ZNF703: variants seen among roughly 807,000 people sequenced by gnomAD.
ZNF703 encodes the protein zinc finger protein 703.
ZNF703 carries 18 observed loss-of-function variants against 30.7 expected under a neutral mutation model. That is an observed-to-expected ratio of 0.59 (90% CI 0.40 to 0.87). ZNF703 has a LOEUF of 0.87. Among genes scored for constraint, ZNF703 ranks in the 40% least tolerant of loss-of-function variants. The probability of loss-of-function intolerance (pLI) is 0.00; values close to 1 mark genes in which losing one functional copy is unlikely to be tolerated. For synonymous variants in ZNF703, 457 were observed against 438.6 expected, an observed-to-expected ratio of 1.04 and a Z score of -0.52; for missense variants, 814 against 847.8, an observed-to-expected ratio of 0.96 and a Z score of 0.50.
Position 37,699,986 on chromosome 8 carries a change from T to C in ZNF703, c.*1312T>C, listed in dbSNP as rs890242822. 3.3e-5 allele frequency: 5 copies of C among 152,368 alleles called. No homozygotes were observed. The highest frequency in any genetic ancestry group is 1.9e-4 in the East Asian group (1 of 5,174). The allele number at this position is 152,368 out of a possible 1,614,324, so 9.4% of individuals were successfully genotyped here. On this transcript the variant is annotated 3_prime_UTR_variant, in exon 2 of 2. Transcript: ENST00000331569. The stretch of plus-strand genomic sequence containing the variant: ...CAGAGCTCTCCCTTGGTAAGACTTA[T>C]TTTGTTAATAAATGGAATACTTGGC...
rs770772477 is a variant in ZNF703, at chr8:37,698,589, C to T, written c.1688C>T (p.Ser563Phe). ...LSTAGGLAVP[S>F]LPTAGPYYSP... ...ACAGCGGGGGGCCTGGCCGTGCCGT[C>T]CCTCCCCACAGCCGGACCCTACTAT... Residue 563 changes from serine (S) to phenylalanine (F), a missense_variant, in exon 2 of 2, where the codon TCC (serine) becomes TTC (phenylalanine). Coordinates refer to ENST00000331569, the MANE Select transcript of ZNF703 (RefSeq NM_025069.3). The T allele has an allele frequency of 1.9e-6, 3 of 1,564,312 alleles. No individual in the cohort carries two copies. In the Admixed American group the frequency reaches 5.7e-5, roughly 30 times the overall value.
In ZNF703 at chr8:37,696,388, GGGCTTCCCCA is replaced by G. The variant is rs1802069356; in HGVS notation, c.243+176_243+185del. 6.6e-6 allele frequency among the ~76,000 whole-genome samples: 1 copy of G among 152,010 alleles called. No homozygotes were observed. The highest frequency in any genetic ancestry group is 1.5e-5 in the Non-Finnish European group (1 of 67,982). Reference sequence around the variant, plus strand: ...AAAACCGAGGGATCAGAGCCCACCAGGGCTTCCCCAGGCTTCCCCGTGGAAGGGTCTCCTT... The same window carrying G: ...AAAACCGAGGGATCAGAGCCCACCAGGGCTTCCCCGTGGAAGGGTCTCCTT... On this transcript the variant is annotated intron_variant, in intron 1 of 1. Coordinates refer to ENST00000331569, the MANE Select transcript of ZNF703 (RefSeq NM_025069.3). The surrounding 1 kb of genome is among the most constrained non-coding windows in gnomAD (Gnocchi z 8.2).
At position 37,698,238 on chromosome 8, in the gene ZNF703, G is replaced by T; in HGVS notation, c.1337G>T (p.Gly446Val). The change falls in exon 2 of 2, where the codon GGC (glycine) becomes GTC (valine). Residue 446 changes from glycine to valine, a missense_variant. Physicochemically the swap from Gly to Val is moderately radical, Grantham distance 109 (BLOSUM62 -3). Transcript: ENST00000331569. ...ALPGHPLYTY[G>V]FMLQNEPLPH... is the part of the protein sequence containing the mutation. Reference sequence around the variant, plus strand: ...CCCGGCCACCCGCTCTACACCTACGGCTTCATGCTGCAGAACGAACCGCTG... The same window carrying T: ...CCCGGCCACCCGCTCTACACCTACGTCTTCATGCTGCAGAACGAACCGCTG... 1 of 1,538,394 alleles carries T rather than the reference G, an allele frequency of 6.5e-7. No homozygotes were observed.
rs1050609602 is a variant in ZNF703, at chr8:37,696,299, C to A, written c.243+77C>A. 1.6e-5 allele frequency: 23 copies of A among 1,475,944 alleles called. No individual in the cohort carries two copies. Among genetic ancestry groups the A allele is most frequent in the Non-Finnish European group, 1.7e-5 (19 of 1,112,376 alleles). 91.4% of individuals were successfully genotyped at this position (1,475,944 alleles called of 1,614,324 possible). ...ACCGGGACCCTGACCCAGCTCCCAGCGCCCCGGGGCTCGGTGCGACACCCA... is the reference window on the plus strand; with the variant it reads ...ACCGGGACCCTGACCCAGCTCCCAGAGCCCCGGGGCTCGGTGCGACACCCA... On this transcript the variant is annotated intron_variant, in intron 1 of 1. Transcript: ENST00000331569. This position sits in a 1 kb window ranked among gnomAD's most constrained non-coding sequence, Gnocchi z 8.2.
rs1417921981 is a variant in ZNF703 at position 37,698,440 on chromosome 8, C to A, written c.1539C>A (p.Ala513=). Residue 513 remains alanine, a synonymous_variant, in exon 2 of 2, where the codon GCC becomes GCA. Coordinates refer to ENST00000331569, the MANE Select transcript of ZNF703 (RefSeq NM_025069.3). Reference sequence around the variant, plus strand: ...GCGCCGCCGCCGCCGCCGCCGCCGCCGCCTCCTGCCATCTGCACCTCCCCC... The same window carrying A: ...GCGCCGCCGCCGCCGCCGCCGCCGCAGCCTCCTGCCATCTGCACCTCCCCC... ...LGSAAAAAAA[A]ASCHLHLPPP... The A allele has an allele frequency of 6.8e-6, 10 of 1,480,440 alleles. No homozygotes were observed. Among genetic ancestry groups the A allele is most frequent in the Non-Finnish European group, 7.2e-6 (8 of 1,118,610 alleles). The allele number at this position is 1,480,440 out of a possible 1,614,324, so 91.7% of individuals were successfully genotyped here.
Position 37,697,664 on chromosome 8 carries a change from C to T in ZNF703, c.763C>T (p.Pro255Ser). Residue 255 changes from proline to serine, a missense_variant, in exon 2 of 2, where the codon CCG (proline) becomes TCG (serine). Coordinates refer to ENST00000331569, the MANE Select transcript of ZNF703 (RefSeq NM_025069.3). ...CCAGGAGCCCAAGCCCAGCCCGGAGCCGGCAGCCGTGAGCCGCGGCGGCGG... is the reference window on the plus strand; with the variant it reads ...CCAGGAGCCCAAGCCCAGCCCGGAGTCGGCAGCCGTGAGCCGCGGCGGCGG... Reference protein sequence around the residue: ...KDQEPKPSPEPAAVSRGGGGE... With the variant: ...KDQEPKPSPESAAVSRGGGGE... The T allele has an allele frequency of 1.5e-6, 2 of 1,340,264 alleles. No individual in the cohort carries two copies. Among genetic ancestry groups the T allele is most frequent in the East Asian group, 3.1e-5 (1 of 32,320 alleles). 83.0% of individuals were successfully genotyped at this position (1,340,264 alleles called of 1,614,324 possible).
Position 37,696,028 on chromosome 8 carries a change from G to C in ZNF703, c.49G>C (p.Gly17Arg), listed in dbSNP as rs1320296827. 1 of 1,553,132 alleles carries C rather than the reference G, an allele frequency of 6.4e-7. No homozygotes were observed. Among genetic ancestry groups the C allele is most frequent in the East Asian group, 2.4e-5 (1 of 41,104 alleles). ...GSNPRTPESSGSGSGGGGKRP... is the reference protein window; with the variant it reads ...GSNPRTPESSRSGSGGGGKRP... Reference sequence around the variant, plus strand: ...TAACCCAAGGACACCCGAAAGCAGCGGCAGCGGCAGCGGCGGCGGCGGGAA... The same window carrying C: ...TAACCCAAGGACACCCGAAAGCAGCCGCAGCGGCAGCGGCGGCGGCGGGAA... The change falls in exon 1 of 2, where the codon GGC (glycine) becomes CGC (arginine). Residue 17 changes from glycine (G) to arginine (R), a missense_variant. Gly to Arg is a moderately radical substitution (Grantham distance 125). Transcript: ENST00000331569. This position sits in a 1 kb window ranked among gnomAD's most constrained non-coding sequence, Gnocchi z 8.2.
intron 1 of ZNF703, 25 bp from the exon 2 acceptor site, chr8:37,697,120 C>T (rs1386708943): frequency 6.6e-7 from 1 of 1,509,754 alleles, no homozygotes; most frequent in Non-Finnish European, 8.8e-7. Context: ...CTCCTTCTCC[C>T]TCCCCCTGCT....
Position 37,697,250 on chromosome 8 carries a change from G to A in ZNF703, c.349G>A (p.Ala117Thr). 1 of 1,587,932 alleles carries A rather than the reference G, an allele frequency of 6.3e-7. No homozygotes were observed. Among genetic ancestry groups the A allele is most frequent in the Non-Finnish European group, 8.5e-7 (1 of 1,170,014 alleles). ...CAAACTCAACTCGGTGGCGGCGGCGGCCAACGGGCTGGGAGCGGAGAAGGA... is the reference window on the plus strand; with the variant it reads ...CAAACTCAACTCGGTGGCGGCGGCGACCAACGGGCTGGGAGCGGAGAAGGA... ...SSKLNSVAAA[A>T]NGLGAEKDPG... The change falls in exon 2 of 2, where the codon GCC (alanine) becomes ACC (threonine). Residue 117 changes from alanine to threonine, a missense_variant. Transcript: ENST00000331569.
Position 37,697,608 on chromosome 8 carries a change from G to A in ZNF703, c.707G>A (p.Gly236Glu), listed in dbSNP as rs1379285243. 2.8e-6 allele frequency: 4 copies of A among 1,420,076 alleles called. No homozygotes were observed. Among genetic ancestry groups the A allele is most frequent in the East Asian group, 2.9e-5 (1 of 34,750 alleles). The allele number at this position is 1,420,076 out of a possible 1,614,324, so 88.0% of individuals were successfully genotyped here. The stretch of plus-strand genomic sequence containing the variant: ...CACTCTGACTGCAAGAACGGCGGCG[G>A]GGTTGGCGGCGGGGAGCTGGACAAG... ...PHHSDCKNGGGVGGGELDKKD... is the reference protein window; with the variant it reads ...PHHSDCKNGGEVGGGELDKKD... The change falls in exon 2 of 2, where the codon GGG (glycine) becomes GAG (glutamate). Residue 236 changes from glycine (G) to glutamate (E), a missense_variant. Transcript: ENST00000331569.
rs1751849973 is a variant in ZNF703, at chr8:37,697,467, A to C, written c.566A>C (p.Lys189Thr). 1.3e-6 allele frequency: 2 copies of C among 1,538,842 alleles called. No homozygotes were observed. The highest frequency in any genetic ancestry group is 1.7e-6 in the Non-Finnish European group (2 of 1,145,572). ...SSSSSSSPGD[K>T]AGFRVPSAAC... is the part of the protein sequence containing the mutation. ...TCGTCCTCCTCGTCCCCGGGAGACA[A>C]GGCGGGCTTCAGGGTCCCCAGCGCC... The change falls in exon 2 of 2, where the codon AAG becomes ACG. Residue 189 changes from lysine to threonine, a missense_variant. Coordinates refer to ENST00000331569, the MANE Select transcript of ZNF703 (RefSeq NM_025069.3).
Position 37,698,179 on chromosome 8 carries a change from C to T in ZNF703, c.1278C>T (p.Ala426=). The part of the protein sequence containing the change: ...LVYPGHPLQP[A]ALSSSAAQAA... ...ACCCCGGGCACCCGCTGCAGCCCGC[C>T]GCGCTCTCGTCCAGCGCCGCCCAGG... is the stretch of plus-strand genomic sequence containing the variant. Residue 426 remains alanine, a synonymous_variant, in exon 2 of 2, where the codon GCC becomes GCT. Transcript: ENST00000331569. 6.6e-7 allele frequency: 1 copy of T among 1,519,600 alleles called. No homozygotes were observed. Among genetic ancestry groups the T allele is most frequent in the Non-Finnish European group, 8.8e-7 (1 of 1,137,598 alleles). The allele number at this position is 1,519,600 out of a possible 1,614,324, so 94.1% of individuals were successfully genotyped here.
At position 37,698,603 on chromosome 8, in the gene ZNF703, G is replaced by C; in HGVS notation, c.1702G>C (p.Gly568Arg). Residue 568 changes from glycine to arginine, a missense_variant, in exon 2 of 2, where the codon GGA (glycine) becomes CGA (arginine). Physicochemically the swap from Gly to Arg is moderately radical, Grantham distance 125 (BLOSUM62 -2). Coordinates refer to ENST00000331569, the MANE Select transcript of ZNF703 (RefSeq NM_025069.3). ...GLAVPSLPTA[G>R]PYYSPYALYG... ...GGCCGTGCCGTCCCTCCCCACAGCC[G>C]GACCCTACTATTCGCCATACGCGCT... is the stretch of plus-strand genomic sequence containing the variant. 1 of 1,553,148 alleles carries C rather than the reference G, an allele frequency of 6.4e-7. No homozygotes were observed. The highest frequency in any genetic ancestry group is 8.7e-7 in the Non-Finnish European group (1 of 1,153,034).
In ZNF703 at chr8:37,698,164, C is replaced by A. The variant is rs1260750969; in HGVS notation, c.1263C>A (p.His421Gln). 3.3e-6 allele frequency: 5 copies of A among 1,526,966 alleles called. No homozygotes were observed. The Admixed American group carries it at 5.9e-5, about 18-fold the overall frequency. 94.6% of individuals were successfully genotyped at this position (1,526,966 alleles called of 1,614,324 possible). ...GCTACCCGCTGGTGTACCCCGGGCA[C>A]CCGCTGCAGCCCGCCGCGCTCTCGT... Reference protein sequence around the residue: ...AGGYPLVYPGHPLQPAALSSS... With the variant: ...AGGYPLVYPGQPLQPAALSSS... Residue 421 changes from histidine (H) to glutamine (Q), a missense_variant, in exon 2 of 2, where the codon CAC (histidine) becomes CAA (glutamine). His to Gln is a conservative substitution (Grantham distance 24, BLOSUM62 0). Coordinates refer to ENST00000331569, the MANE Select transcript of ZNF703 (RefSeq NM_025069.3).
At chr8:37,697,101 T>G in intron 1 of ZNF703, 44 bp from the exon 2 acceptor site, 4 of 1,463,950 alleles carry the variant, frequency 2.7e-6, no homozygotes, top group Non-Finnish European at 3.6e-6. Flanking sequence ...CGCAGGCCTC[T>G]GAGTCTCACT....
rs2128904954 is a variant in ZNF703, at chr8:37,698,305, C to T, written c.1404C>T (p.Asp468=). 2 of 1,540,380 alleles carry T rather than the reference C, an allele frequency of 1.3e-6. No homozygotes were observed. The highest frequency in any genetic ancestry group is 2.8e-5 in the African/African-American group (2 of 71,694). Residue 468 remains aspartate (D), a synonymous_variant, in exon 2 of 2, where the codon GAC becomes GAT. Coordinates refer to ENST00000331569, the MANE Select transcript of ZNF703 (RefSeq NM_025069.3). ...CNWVAASGPC[D]KRFATSEELL... is the part of the protein sequence containing the mutation. ...GGGTGGCAGCCAGTGGGCCGTGCGA[C>T]AAGCGCTTCGCCACCTCGGAGGAGC...
Position 37,697,601 on chromosome 8 carries a change from G to C in ZNF703, c.700G>C (p.Gly234Arg), listed in dbSNP as rs993518975. The C allele has an allele frequency of 1.4e-6, 2 of 1,421,322 alleles. No homozygotes were observed. The highest frequency in any genetic ancestry group is 3.0e-5 in the Admixed American group (1 of 33,404). 88.0% of individuals were successfully genotyped at this position (1,421,322 alleles called of 1,614,324 possible). Reference protein sequence around the residue: ...GSPHHSDCKNGGGVGGGELDK... With the variant: ...GSPHHSDCKNRGGVGGGELDK... ...CCCGCACCACTCTGACTGCAAGAAC[G>C]GCGGCGGGGTTGGCGGCGGGGAGCT... The change falls in exon 2 of 2, where the codon GGC becomes CGC. Residue 234 changes from glycine (G) to arginine (R), a missense_variant. Gly to Arg is a moderately radical substitution (Grantham distance 125). Coordinates refer to ENST00000331569, the MANE Select transcript of ZNF703 (RefSeq NM_025069.3).
In ZNF703 at chr8:37,698,734, C is replaced by T; in HGVS notation, c.*60C>T. ...TCCTCCCTCTCCCTCCTCCTCCCTC[C>T]CCACCTGCCGTCGCCGCTGCAACCT... On this transcript the variant is annotated 3_prime_UTR_variant, in exon 2 of 2. Coordinates refer to ENST00000331569, the MANE Select transcript of ZNF703 (RefSeq NM_025069.3). The T allele has an allele frequency of 7.4e-7, 1 of 1,349,008 alleles. No homozygotes were observed. The highest frequency in any genetic ancestry group is 1.5e-5 in the African/African-American group (1 of 65,534). 83.6% of individuals were successfully genotyped at this position (1,349,008 alleles called of 1,614,324 possible).
Position 37,698,138 on chromosome 8 carries a change from G to T in ZNF703, c.1237G>T (p.Gly413Cys), listed in dbSNP as rs567361085. Residue 413 changes from glycine (G) to cysteine (C), a missense_variant, in exon 2 of 2, where the codon GGC becomes TGC. Coordinates refer to ENST00000331569, the MANE Select transcript of ZNF703 (RefSeq NM_025069.3). ...TGCCGGGCCCAGCCTGAAGGCGGGG[G>T]GCTACCCGCTGGTGTACCCCGGGCA... ...DPAGPSLKAG[G>C]YPLVYPGHPL... 6.7e-7 allele frequency: 1 copy of T among 1,502,934 alleles called. No individual in the cohort carries two copies. Among genetic ancestry groups the T allele is most frequent in the Non-Finnish European group, 8.9e-7 (1 of 1,123,918 alleles). 93.1% of individuals were successfully genotyped at this position (1,502,934 alleles called of 1,614,324 possible). A position where few individuals can be genotyped will look rare whatever the true frequency, so the allele number is the denominator to read the frequency against.
Sources: allele counts gnomAD v4.1 joint callset (sites outside exome capture counted in the v4.1 genomes callset), GRCh38; gene constraint gnomAD v4.1.1; non-coding constraint Gnocchi (gnomAD v3.1); transcripts MANE v1.5; gene names NCBI Gene and HGNC (gene_info 2026-07-23, HGNC 2026-07-21).